Variants in SNTG1 observed in about 807,000 individuals in gnomAD.
SNTG1 encodes gamma-1-syntrophin.
SNTG1 carries 39 observed loss-of-function variants against 74.7 expected under a neutral mutation model. The ratio of observed to expected loss-of-function variants is 0.52; its 90% confidence interval spans 0.40 to 0.68. The LOEUF (loss-of-function observed/expected upper bound fraction) is 0.68. SNTG1 is among the 30% of genes least tolerant of loss of function. SNTG1 has a pLI of 0.00. For synonymous variants in SNTG1, 254 were observed against 217.1 expected (o/e 1.17, Z -1.49); for missense variants, 685 against 609.5 (o/e 1.12, Z -1.30).
intron 4 of SNTG1, among the ~76,000 whole-genome samples, chr8:50,407,009 C>T (rs1354899424): frequency 6.6e-6 from 1 of 152,020 alleles, no homozygotes; most frequent in African/African-American, 2.4e-5. Flanking sequence ...TTTTTAAAAC[C>T]TCCCACTGGT....
intron 17 of SNTG1, among the ~76,000 whole-genome samples, chr8:50,748,939 AT>A (rs925924395): frequency 6.6e-6 from 1 of 152,002 alleles, no homozygotes; most frequent in Non-Finnish European, 1.5e-5. Flanking sequence ...TAATCCTGCA[AT>A]GGACTTTCTA....
At chr8:50,324,465 G>C (rs1240842565) in intron 2 of SNTG1, among the ~76,000 whole-genome samples, 2 of 152,116 alleles carry the variant, frequency 1.3e-5, no homozygotes, top group African/African-American at 4.8e-5. Context: ...TTCTTGTAAT[G>C]GTGCTTTTCT....
At chr8:50,400,656 G>A (rs2092791597) in intron 3 of SNTG1, among the ~76,000 whole-genome samples, 1 of 152,106 alleles carries the variant, frequency 6.6e-6, no homozygotes, top group South Asian at 2.1e-4. Flanking sequence ...ATCTTCACCA[G>A]CATTTGTTAT....
chr8:50,260,376 A>G (rs746060919), intron 2 of SNTG1, among the ~76,000 whole-genome samples: 1 of 152,084 alleles, frequency 6.6e-6, no homozygotes, highest in Non-Finnish European at 1.5e-5. Flanking sequence ...GTCACAACAC[A>G]GAGGCACAAG....
At chr8:50,269,278 A>T (rs766924142) in intron 2 of SNTG1, among the ~76,000 whole-genome samples, 3 of 152,234 alleles carry the variant, frequency 2.0e-5, no homozygotes, top group Non-Finnish European at 4.4e-5. Context: ...ATACCTGTTT[A>T]GGAAAAGACA....
intron 1 of SNTG1, among the ~76,000 whole-genome samples, chr8:49,982,767 A>G (rs1812802571): frequency 6.6e-6 from 1 of 151,994 alleles, no homozygotes; most frequent in South Asian, 2.1e-4. Context: ...TCCTAGTTTT[A>G]TTTTTAGAAA....
intron 1 of SNTG1, among the ~76,000 whole-genome samples, chr8:50,002,073 A>G (rs982472931): frequency 1.3e-5 from 2 of 152,192 alleles, no homozygotes; most frequent in African/African-American, 2.4e-5. Flanking sequence ...CACCAACACT[A>G]GACATATTTC....
At chr8:50,337,150 T>C (rs1394016081) in intron 2 of SNTG1, among the ~76,000 whole-genome samples, 1 of 152,200 alleles carries the variant, frequency 6.6e-6, no homozygotes, top group Non-Finnish European at 1.5e-5. Flanking sequence ...GTTGTCACTG[T>C]CTTCTCTGCA....
intron 2 of SNTG1, among the ~76,000 whole-genome samples, chr8:50,271,335 T>G (rs2087768131): frequency 6.6e-6 from 1 of 152,196 alleles, no homozygotes; most frequent in African/African-American, 2.4e-5. Flanking sequence ...ATATTTCTCA[T>G]GTTTATCTAA....
intron 2 of SNTG1, among the ~76,000 whole-genome samples, chr8:50,370,491 C>T (rs1239672253): frequency 6.6e-6 from 1 of 152,120 alleles, no homozygotes; most frequent in Non-Finnish European, 1.5e-5. Flanking sequence ...GGAGGCTTCT[C>T]CATTTTCAGT....
intron 15 of SNTG1, among the ~76,000 whole-genome samples, chr8:50,677,135 C>T (rs2095312518): frequency 6.6e-6 from 1 of 151,824 alleles, no homozygotes; most frequent in African/African-American, 2.4e-5. Context: ...GAAATTTGTT[C>T]CCCTTTAAGC....
chr8:50,420,902 G>A (rs1213028177), intron 4 of SNTG1, among the ~76,000 whole-genome samples: 4 of 151,762 alleles, frequency 2.6e-5, no homozygotes, highest in Non-Finnish European at 4.4e-5. Flanking sequence ...GCACGTGCCT[G>A]TGGTCCCAGC....
intron 2 of SNTG1, among the ~76,000 whole-genome samples, chr8:50,251,604 A>C (rs2086651412): frequency 6.6e-6 from 1 of 151,920 alleles, no homozygotes; most frequent in South Asian, 2.1e-4. Context: ...ATACATATTA[A>C]GTGAAAAACT....
At chr8:50,416,050 C>G (rs1265162682) in intron 4 of SNTG1, among the ~76,000 whole-genome samples, 1 of 152,114 alleles carries the variant, frequency 6.6e-6, no homozygotes, top group Non-Finnish European at 1.5e-5. Flanking sequence ...TTTACAATGT[C>G]AATGCTTTTA....
chr8:50,652,623 C>T (rs560053804), intron 13 of SNTG1, among the ~76,000 whole-genome samples: 207 of 152,016 alleles, frequency 1.4e-3, no homozygotes, highest in African/African-American at 4.5e-3. Context: ...ATGGTGAAAA[C>T]CCGCCTCTAG....
intron 2 of SNTG1, among the ~76,000 whole-genome samples, chr8:50,292,345 G>A (rs1266378046): frequency 6.6e-6 from 1 of 152,120 alleles, no homozygotes; most frequent in Non-Finnish European, 1.5e-5. Flanking sequence ...AATGTGGTAT[G>A]AGCCAAAAGG....
chr8:50,071,726 C>CTT (rs1821384249), intron 1 of SNTG1, among the ~76,000 whole-genome samples: 1 of 151,836 alleles, frequency 6.6e-6, no homozygotes, highest in Non-Finnish European at 1.5e-5. Flanking sequence ...GATCCGCCTG[C>CTT]CTCGGCCTCC....
chr8:49,948,742 C>T (rs537618542), intron 1 of SNTG1, among the ~76,000 whole-genome samples: 11 of 152,224 alleles, frequency 7.2e-5, no homozygotes, highest in East Asian at 1.9e-4. Context: ...AGCTCAGTTT[C>T]GGCAAAATTA....
chr8:50,041,722 G>A (rs1409733931), intron 1 of SNTG1, among the ~76,000 whole-genome samples: 2 of 152,138 alleles, frequency 1.3e-5, no homozygotes, highest in Non-Finnish European at 2.9e-5. Flanking sequence ...TTTGATTCAT[G>A]CCTCTCTGTT....
Sources: gnomAD v4.1 joint callset for allele counts (sites outside exome capture counted in the v4.1 genomes callset) on GRCh38, gnomAD v4.1.1 for gene constraint, MANE v1.5 for transcripts, NCBI Gene and HGNC (gene_info 2026-07-23, HGNC 2026-07-21) for gene names.